The following TYW1B variants were observed in gnomAD, a reference collection of about 807,000 sequenced individuals.
The protein encoded by TYW1B is S-adenosyl-L-methionine-dependent tRNA 4-demethylwyosine synthase TYW1B.
Under a neutral mutation model 86.9 loss-of-function variants are expected in TYW1B, and 73 were observed. That is an observed-to-expected ratio of 0.84 (90% CI 0.70 to 1.02). The LOEUF is 1.02. TYW1B is among the 50% of genes least tolerant of loss of function. TYW1B has a pLI of 0.00. For missense variants in TYW1B, 637 were observed against 827.4 expected (o/e 0.77, Z 2.82); for synonymous variants, 248 against 292.8 (o/e 0.85, Z 1.56).
chr7:72,635,071 A>T (rs1812634228), intron 11 of TYW1B, among the ~76,000 whole-genome samples: 1 of 152,178 alleles, frequency 6.6e-6, no homozygotes, highest in Admixed American at 6.6e-5. Context: ...TATCAAGAGC[A>T]TGAAGATAAG....
At chr7:72,639,359 G>T (rs1383677928) in intron 11 of TYW1B, among the ~76,000 whole-genome samples, 1 of 151,916 alleles carries the variant, frequency 6.6e-6, no homozygotes, top group Non-Finnish European at 1.5e-5. Context: ...TAGAGACAGG[G>T]TCTCATTATG....
chr7:72,824,955 T>G (rs1375501675), intron 2 of TYW1B, among the ~76,000 whole-genome samples: 1 of 150,860 alleles, frequency 6.6e-6, no homozygotes, highest in Non-Finnish European at 1.5e-5. Context: ...ATACAAAAAT[T>G]AGCTGGGTAT....
intron 11 of TYW1B, among the ~76,000 whole-genome samples, chr7:72,656,637 C>G (rs868921002): frequency 4.6e-5 from 7 of 151,688 alleles, no homozygotes; most frequent in Admixed American, 1.3e-4. Context: ...AAAGAGAATA[C>G]CTAAAGCTGG....
chr7:72,632,314 ATATATAT>A (rs1554439949), intron 11 of TYW1B, among the ~76,000 whole-genome samples: 10 of 101,360 alleles, frequency 9.9e-5, no homozygotes, highest in South Asian at 6.7e-4. Context: ...TATATATATT[ATATATAT>A]TATATATATA....
At chr7:72,766,926 C>CA (rs1419013898) in intron 7 of TYW1B, among the ~76,000 whole-genome samples, 1 of 151,710 alleles carries the variant, frequency 6.6e-6, no homozygotes, top group Non-Finnish European at 1.5e-5. Context: ...GACTTTGTCT[C>CA]AAAAAAATAA....
At chr7:72,752,664 A>G (rs1787519788) in intron 7 of TYW1B, among the ~76,000 whole-genome samples, 1 of 152,034 alleles carries the variant, frequency 6.6e-6, no homozygotes, top group African/African-American at 2.4e-5. Flanking sequence ...CTAGGAGACA[A>G]AGGTAGCAGT....
intron 8 of TYW1B, among the ~76,000 whole-genome samples, chr7:72,743,555 G>C (rs1364359922): frequency 1.3e-5 from 2 of 152,056 alleles, no homozygotes; most frequent in Non-Finnish European, 2.9e-5. Context: ...AAAGAAATGG[G>C]TTAGTAGGCT....
At chr7:72,673,982 G>C (rs1813675708) in intron 11 of TYW1B, among the ~76,000 whole-genome samples, 1 of 152,024 alleles carries the variant, frequency 6.6e-6, no homozygotes, top group African/African-American at 2.4e-5. Context: ...TTCTGGTCTA[G>C]AGAATAAACA....
At chr7:72,819,715 G>T (rs1554480099) in intron 2 of TYW1B, among the ~76,000 whole-genome samples, 1 of 152,172 alleles carries the variant, frequency 6.6e-6, no homozygotes, top group African/African-American at 2.4e-5. Context: ...TTATAGGCGT[G>T]AGCCACTGTG....
At chr7:72,798,348 G>A (rs550983756) in intron 6 of TYW1B, among the ~76,000 whole-genome samples, 17 of 151,586 alleles carry the variant, frequency 1.1e-4, no homozygotes, top group South Asian at 4.2e-4. Flanking sequence ...CCGAGATCGC[G>A]CCACTGCACT....
At chr7:72,645,949 T>C (rs1812918262) in intron 11 of TYW1B, among the ~76,000 whole-genome samples, 1 of 148,394 alleles carries the variant, frequency 6.7e-6, no homozygotes, top group Admixed American at 6.8e-5. Flanking sequence ...TGTATATATG[T>C]ATTATATATA....
At chr7:72,653,872 G>C (rs1248274236) in intron 11 of TYW1B, among the ~76,000 whole-genome samples, 1 of 152,018 alleles carries the variant, frequency 6.6e-6, no homozygotes, top group African/African-American at 2.4e-5. Context: ...ACAAGGTCAG[G>C]AGTTTGAGAC....
chr7:72,776,082 G>C (rs1554470481), intron 7 of TYW1B, among the ~76,000 whole-genome samples: 2 of 152,080 alleles, frequency 1.3e-5, no homozygotes, highest in Non-Finnish European at 2.9e-5. Flanking sequence ...AGGAGTTCAA[G>C]GCTACAGCGA....
At chr7:72,595,606 C>T (rs1314226704) in intron 13 of TYW1B, among the ~76,000 whole-genome samples, 1 of 152,118 alleles carries the variant, frequency 6.6e-6, no homozygotes, top group Non-Finnish European at 1.5e-5. Context: ...TCTCTTGAGT[C>T]TCAGAGGTGG....
chr7:72,612,043 T>C (rs2960981), intron 13 of TYW1B, among the ~76,000 whole-genome samples: 68,385 of 151,790 alleles, frequency 0.45, 17,455 homozygotes, highest in African/African-American at 0.7. Context: ...TCTTCTCTTT[T>C]TCTCTCTCTC....
intron 13 of TYW1B, among the ~76,000 whole-genome samples, chr7:72,600,474 G>A (rs1554433511): frequency 6.6e-6 from 1 of 152,058 alleles, no homozygotes; most frequent in Non-Finnish European, 1.5e-5. Context: ...CATCAAAAGT[G>A]GGATCCATGA....
At chr7:72,635,704 T>C (rs1208674160) in intron 11 of TYW1B, among the ~76,000 whole-genome samples, 1 of 152,244 alleles carries the variant, frequency 6.6e-6, no homozygotes, top group Admixed American at 6.5e-5. Flanking sequence ...CAACCCTTTA[T>C]GATTCTGCCT....
At chr7:72,745,958 A>G (rs1554463759) in intron 7 of TYW1B, among the ~76,000 whole-genome samples, 1 of 151,448 alleles carries the variant, frequency 6.6e-6, no homozygotes, top group East Asian at 1.9e-4. Context: ...TCTGCCTCAC[A>G]GTTCAAGTGA....
intron 7 of TYW1B, among the ~76,000 whole-genome samples, chr7:72,768,368 TAC>T (rs1787808371): frequency 6.6e-6 from 1 of 152,174 alleles, no homozygotes; most frequent in African/African-American, 2.4e-5. Flanking sequence ...GCTCTAGGAA[TAC>T]AGACATTGAA....
Sources: allele counts gnomAD v4.1 joint callset (sites outside exome capture counted in the v4.1 genomes callset), GRCh38; gene constraint gnomAD v4.1.1; transcripts MANE v1.5; gene names NCBI Gene and HGNC (gene_info 2026-07-23, HGNC 2026-07-21).